ANO3: variants seen among roughly 807,000 people sequenced by gnomAD.
ANO3 encodes anoctamin 3.
In ANO3, 99 loss-of-function variants were observed where a neutral mutation model predicts 144.8. That is an observed-to-expected ratio of 0.68 (90% confidence interval 0.58 to 0.81). The LOEUF is 0.81. Among genes scored for constraint, ANO3 ranks in the 30% least tolerant of loss-of-function variants. ANO3 has a pLI of 0.00. For synonymous variants in ANO3, 414 were observed against 392.6 expected (o/e 1.05, Z -0.64); for missense variants, 905 against 1,202.2 (o/e 0.75, Z 3.66).
At chr11:26,616,898 G>A (rs1037768449) in intron 17 of ANO3, among the ~76,000 whole-genome samples, 7 of 151,974 alleles carry the variant, frequency 4.6e-5, no homozygotes, top group Non-Finnish European at 1.0e-4. Context: ...TCAGCCTCCT[G>A]AGTAGCTGGG....
chr11:26,270,210 C>T (rs1323161101), intron 1 of ANO3, among the ~76,000 whole-genome samples: 5 of 152,192 alleles, frequency 3.3e-5, no homozygotes, highest in Admixed American at 6.5e-5. Flanking sequence ...CTCTCCACTA[C>T]GTACACTGGA....
intron 1 of ANO3, among the ~76,000 whole-genome samples, chr11:26,293,712 A>C (rs1457926065): frequency 2.6e-5 from 4 of 151,758 alleles, no homozygotes; most frequent in Admixed American, 1.3e-4. Context: ...CAAATCCATC[A>C]TTTTACAGAT....
intron 4 of ANO3, among the ~76,000 whole-genome samples, chr11:26,476,244 C>T (rs970061030): frequency 6.6e-6 from 1 of 151,998 alleles, no homozygotes; most frequent in African/African-American, 2.4e-5. Context: ...GAAAATAAGC[C>T]TACATATAAT....
At position 26,325,774 on chromosome 11, in the gene ANO3, C is replaced by T. The variant is rs530450796; in HGVS notation, c.-3+16055C>T. Among the ~76,000 whole-genome samples the T allele has an allele frequency of 3.5e-3, 526 of 152,252 alleles. 9 individuals carry two copies. The highest frequency in any genetic ancestry group is 8.9e-3 in the Admixed American group (136 of 15,274). On this transcript the variant is annotated intron_variant, in intron 1 of 26. Coordinates refer to the ANO3 transcript ENST00000525139. ...TCCTTTAGAGGGGAAAAAGGAATAA[C>T]CCCTGGTCAAACCAGCCATAAAGAT...
intron 14 of ANO3, among the ~76,000 whole-genome samples, chr11:26,580,070 T>A (rs1280924328): frequency 2.0e-5 from 3 of 151,896 alleles, no homozygotes; most frequent in Admixed American, 2.0e-4. Context: ...GTAATGAGAA[T>A]GGAAAAAATC....
At chr11:26,634,658 A>G (rs531312413) in intron 19 of ANO3, among the ~76,000 whole-genome samples, 1 of 152,178 alleles carries the variant, frequency 6.6e-6, no homozygotes, top group East Asian at 1.9e-4. Context: ...TATGCTTAAC[A>G]CTCCATCCAA....
chr11:26,513,269 C>T (rs1861735540), intron 5 of ANO3, among the ~76,000 whole-genome samples: 1 of 152,128 alleles, frequency 6.6e-6, no homozygotes, highest in Non-Finnish European at 1.5e-5. Flanking sequence ...TAAGAAATGG[C>T]ATGACCCGAC....
At chr11:26,437,273 C>T (rs1324142494) in intron 1 of ANO3, among the ~76,000 whole-genome samples, 3 of 152,196 alleles carry the variant, frequency 2.0e-5, no homozygotes, top group African/African-American at 7.2e-5. Flanking sequence ...TCCTGGGGCT[C>T]CACGTGTGCC....
intron 1 of ANO3, among the ~76,000 whole-genome samples, chr11:26,302,811 A>T (rs1215503671): frequency 2.6e-5 from 4 of 152,194 alleles, no homozygotes; most frequent in Non-Finnish European, 5.9e-5. Flanking sequence ...CGCAAAAACT[A>T]TTAGCACCAG....
intron 17 of ANO3, among the ~76,000 whole-genome samples, chr11:26,605,760 A>G (rs1240133517): frequency 1.3e-5 from 2 of 151,504 alleles, no homozygotes; most frequent in Admixed American, 1.3e-4. Flanking sequence ...GGTAGTTTGT[A>G]TTTCCGTGGG....
At chr11:26,496,974 G>A (rs867657418) in intron 4 of ANO3, among the ~76,000 whole-genome samples, 4 of 136,502 alleles carry the variant, frequency 2.9e-5, no homozygotes, top group African/African-American at 1.1e-4. Flanking sequence ...AATGTTGTGT[G>A]TATATATATA....
chr11:26,469,329 T>C (rs1859700320), intron 4 of ANO3, among the ~76,000 whole-genome samples: 1 of 151,980 alleles, frequency 6.6e-6, no homozygotes, highest in South Asian at 2.1e-4. Context: ...CATGTATGTG[T>C]GTGTGCAGGC....
intron 24 of ANO3, among the ~76,000 whole-genome samples, chr11:26,650,316 A>G (rs915005733): frequency 6.6e-6 from 1 of 152,172 alleles, no homozygotes; most frequent in African/African-American, 2.4e-5. Flanking sequence ...TGGACAACGA[A>G]TGGAGTGAAG....
intron 4 of ANO3, among the ~76,000 whole-genome samples, chr11:26,504,965 T>A (rs1374876684): frequency 8.2e-6 from 1 of 122,006 alleles, no homozygotes; most frequent in African/African-American, 3.3e-5. Context: ...TGAGTGGAGA[T>A]CACGCCACTG....
intron 1 of ANO3, among the ~76,000 whole-genome samples, chr11:26,209,319 T>G (rs186295846): frequency 1.2e-4 from 18 of 152,346 alleles, no homozygotes; most frequent in Admixed American, 4.6e-4. Context: ...GCAAAAGACA[T>G]GAACTCATCT....
chr11:26,243,097 T>A (rs1852696628), intron 1 of ANO3, among the ~76,000 whole-genome samples: 1 of 152,146 alleles, frequency 6.6e-6, no homozygotes, highest in African/African-American at 2.4e-5. Context: ...CTACTAAAGA[T>A]GGTCCAGGGA....
At chr11:26,349,526 G>T (rs1855581182) in intron 1 of ANO3, among the ~76,000 whole-genome samples, 1 of 152,006 alleles carries the variant, frequency 6.6e-6, no homozygotes, top group African/African-American at 2.4e-5. Flanking sequence ...TGAGAAATGA[G>T]AATTGTTATT....
chr11:26,503,393 T>C (rs1358463942), intron 4 of ANO3, among the ~76,000 whole-genome samples: 2 of 152,138 alleles, frequency 1.3e-5, no homozygotes, highest in African/African-American at 4.8e-5. Context: ...AGTTTTCAGT[T>C]AATTCTGTTT....
At chr11:26,596,062 T>C (rs1310158534) in intron 14 of ANO3, among the ~76,000 whole-genome samples, 1 of 152,218 alleles carries the variant, frequency 6.6e-6, no homozygotes, top group East Asian at 1.9e-4. Context: ...CAAGGTAATA[T>C]TGGAGTGTTA....
Sources: gnomAD v4.1 joint callset for allele counts (sites outside exome capture counted in the v4.1 genomes callset) on GRCh38, gnomAD v4.1.1 for gene constraint, MANE v1.5 for transcripts, NCBI Gene and HGNC (gene_info 2026-07-23, HGNC 2026-07-21) for gene names.